UNC5C: variants seen among roughly 807,000 people sequenced by gnomAD.
UNC5C encodes the protein netrin receptor UNC5C.
A neutral mutation model predicts 99.8 loss-of-function variants in UNC5C; 47 were observed. The ratio of observed to expected loss-of-function variants is 0.47; its 90% confidence interval spans 0.37 to 0.60. UNC5C has a LOEUF of 0.60. UNC5C is among the 20% of genes least tolerant of loss of function. The pLI, the probability that UNC5C is intolerant of heterozygous loss-of-function variation, is 0.00. For synonymous variants in UNC5C, 487 were observed against 452.2 expected (o/e 1.08, Z -0.98); for missense variants, 1,062 against 1,165.9 (o/e 0.91, Z 1.30).
At chr4:95,282,803 G>A (rs538665271) in intron 3 of UNC5C, among the ~76,000 whole-genome samples, 1 of 152,238 alleles carries the variant, frequency 6.6e-6, no homozygotes, top group East Asian at 1.9e-4. Flanking sequence ...CACAAGGTAG[G>A]TTAGATAAAT....
chr4:95,187,220 G>GAAAC (rs143925183), intron 12 of UNC5C, among the ~76,000 whole-genome samples: 6,049 of 152,148 alleles, frequency 0.04, 396 homozygotes, highest in African/African-American at 0.14. Flanking sequence ...TAGAAGAAAA[G>GAAAC]AAACATAATT....
At chr4:95,469,508 ATT>A (rs1356415974) in intron 1 of UNC5C, among the ~76,000 whole-genome samples, 12 of 152,136 alleles carry the variant, frequency 7.9e-5, no homozygotes, top group African/African-American at 2.9e-4. Context: ...ATAAAAATGT[ATT>A]TTGCAAAAAG....
intron 1 of UNC5C, among the ~76,000 whole-genome samples, chr4:95,399,844 A>G (rs573615168): frequency 6.4e-4 from 98 of 152,294 alleles, no homozygotes; most frequent in African/African-American, 2.2e-3. Flanking sequence ...CTTATTAGAA[A>G]CTAATTATGT....
At chr4:95,274,552 G>C (rs1740785343) in intron 4 of UNC5C, among the ~76,000 whole-genome samples, 1 of 151,706 alleles carries the variant, frequency 6.6e-6, no homozygotes, top group South Asian at 2.1e-4. Flanking sequence ...GAAGTATAAG[G>C]AGTCCTCGGT....
chr4:95,517,900 A>C (rs922293998), intron 1 of UNC5C, among the ~76,000 whole-genome samples: 1 of 152,106 alleles, frequency 6.6e-6, no homozygotes, highest in Non-Finnish European at 1.5e-5. Flanking sequence ...GCAGAAAGAT[A>C]ATGTTTGCTA....
At chr4:95,346,219 A>C (rs1440399655) in intron 1 of UNC5C, among the ~76,000 whole-genome samples, 1 of 152,024 alleles carries the variant, frequency 6.6e-6, no homozygotes. Context: ...ACATCCTACC[A>C]AGATTGAAAC....
At chr4:95,240,650 A>C (rs894401282) in intron 7 of UNC5C, among the ~76,000 whole-genome samples, 1 of 152,190 alleles carries the variant, frequency 6.6e-6, no homozygotes, top group Admixed American at 6.5e-5. Flanking sequence ...AAACAAACAA[A>C]CAACTAAAAA....
At chr4:95,257,514 G>A (rs1476884634) in intron 4 of UNC5C, among the ~76,000 whole-genome samples, 1 of 152,176 alleles carries the variant, frequency 6.6e-6, no homozygotes, top group Non-Finnish European at 1.5e-5. Flanking sequence ...CATATGAGTT[G>A]ACGGTATGTG....
chr4:95,356,224 A>AAAC lies in UNC5C; in HGVS notation c.125-20594_125-20593insGTT, dbSNP rs1553966176. On this transcript the variant is annotated intron_variant, in intron 1 of 15. Coordinates refer to ENST00000453304, the MANE Select transcript of UNC5C (RefSeq NM_003728.4). ...AAAAAAAAAAAAAACAAAACAAAAA[A>AAAC]AAAACAGATTCCTCGTTCTTCCTCA... 6.3e-4 allele frequency among the ~76,000 whole-genome samples: 80 copies of AAAC among 127,544 alleles called. 1 individual carries two copies. Among genetic ancestry groups the AAAC allele is most frequent in the African/African-American group, 1.1e-3 (35 of 30,990 alleles). 83.7% of individuals were successfully genotyped at this position (127,544 alleles called of 152,430 possible). A position where few individuals can be genotyped will look rare whatever the true frequency, so the allele number is the denominator to read the frequency against.
intron 2 of UNC5C, among the ~76,000 whole-genome samples, chr4:95,312,538 T>A (rs1742313389): frequency 6.6e-6 from 1 of 152,200 alleles, no homozygotes; most frequent in African/African-American, 2.4e-5. Flanking sequence ...TGGGGATTCA[T>A]ACTGTCAAAT....
rs553526838 is a variant in UNC5C at position 95,502,076 on chromosome 4, G to A, written c.124+46658C>T. Among the ~76,000 whole-genome samples the A allele has an allele frequency of 1.2e-4, 18 of 152,008 alleles. 1 individual carries two copies. The South Asian group carries it at 1.2e-3, about 11-fold the overall frequency. ...ATTAGTTGAGGAATGTTTAAAATTC[G>A]TATCATGGTGCTGTGTTCTTACTTC... On this transcript the variant is annotated intron_variant, in intron 1 of 15. Coordinates refer to ENST00000453304, the MANE Select transcript of UNC5C (RefSeq NM_003728.4).
At chr4:95,419,924 C>A (rs1336289649) in intron 1 of UNC5C, among the ~76,000 whole-genome samples, 1 of 152,010 alleles carries the variant, frequency 6.6e-6, no homozygotes, top group Non-Finnish European at 1.5e-5. Flanking sequence ...CAGAAATAGA[C>A]AGGATGGATA....
chr4:95,337,815 T>C (rs1743406745), intron 1 of UNC5C, among the ~76,000 whole-genome samples: 1 of 152,010 alleles, frequency 6.6e-6, no homozygotes, highest in Non-Finnish European at 1.5e-5. Flanking sequence ...TGTTTTAATT[T>C]AATAAATCCA....
chr4:95,284,503 C>T (rs1224100565), intron 3 of UNC5C, among the ~76,000 whole-genome samples: 1 of 152,042 alleles, frequency 6.6e-6, no homozygotes, highest in Non-Finnish European at 1.5e-5. Flanking sequence ...TTGAAGACAA[C>T]AGCTTATAAT....
chr4:95,232,302 AT>A (rs1451718582), intron 7 of UNC5C, among the ~76,000 whole-genome samples: 1 of 151,204 alleles, frequency 6.6e-6, no homozygotes, highest in East Asian at 1.9e-4. Flanking sequence ...TAAGTGTTAT[AT>A]TATATAATGG....
intron 1 of UNC5C, among the ~76,000 whole-genome samples, chr4:95,534,809 G>C (rs374585635): frequency 1.9e-4 from 29 of 152,008 alleles, no homozygotes; most frequent in African/African-American, 5.8e-4. Context: ...ACTATAATGT[G>C]TCCCCTCGCA....
chr4:95,325,171 C>T (rs1211386998), intron 2 of UNC5C, among the ~76,000 whole-genome samples: 1 of 152,144 alleles, frequency 6.6e-6, no homozygotes, highest in Non-Finnish European at 1.5e-5. Context: ...GCCAATTATA[C>T]TGAAGACTGA....
intron 4 of UNC5C, among the ~76,000 whole-genome samples, chr4:95,268,938 A>G (rs927865269): frequency 5.9e-5 from 9 of 152,336 alleles, no homozygotes; most frequent in African/African-American, 2.2e-4. Flanking sequence ...AACAAATGGG[A>G]AAAGCAATTA....
chr4:95,457,477 A>G lies in UNC5C; in HGVS notation c.124+91257T>C, dbSNP rs920253750. On this transcript the variant is annotated intron_variant, in intron 1 of 15. Transcript: ENST00000453304. ...ATTTCTACCACCTTTGTCACTTTTCATCTGTCTGGGAAAAGCACAAGAGAT... is the reference window on the plus strand; with the variant it reads ...ATTTCTACCACCTTTGTCACTTTTCGTCTGTCTGGGAAAAGCACAAGAGAT... 2.0e-5 allele frequency among the ~76,000 whole-genome samples: 3 copies of G among 152,070 alleles called. No individual in the cohort carries two copies. The South Asian group carries it at 6.2e-4, about 31-fold the overall frequency.
Sources: allele counts gnomAD v4.1 joint callset (sites outside exome capture counted in the v4.1 genomes callset), GRCh38; gene constraint gnomAD v4.1.1; transcripts MANE v1.5; gene names NCBI Gene and HGNC (gene_info 2026-07-23, HGNC 2026-07-21).